The following TAS2R1 variants were observed in gnomAD, a reference collection of about 807,000 sequenced individuals.
TAS2R1 encodes the protein taste 2 receptor member 1, also known as taste receptor type 2 member 1.
For synonymous variants in TAS2R1, 141 were observed against 134.2 expected (o/e 1.05, Z -0.35); for missense variants, 370 against 353.4 (o/e 1.05, Z -0.38).
At chr5:9,643,849 C>A (rs552045579) in intron 2 of TAS2R1, among the ~76,000 whole-genome samples, 1 of 152,192 alleles carries the variant, frequency 6.6e-6, no homozygotes, top group South Asian at 2.1e-4. Flanking sequence ...GAAAGAGGTG[C>A]TATTTTAGAA....
At chr5:9,841,432 A>AT in the TAS2R1 span, among the ~76,000 whole-genome samples, 1 of 152,018 alleles carries the variant, frequency 6.6e-6, no homozygotes, top group East Asian at 1.9e-4. Flanking sequence ...CAGCCTGGAT[A>AT]TTTTCTACTT....
the TAS2R1 span, among the ~76,000 whole-genome samples, chr5:9,825,988 G>T: frequency 1.3e-5 from 2 of 152,164 alleles, no homozygotes; most frequent in African/African-American, 4.8e-5. Context: ...CAGTGGGTTA[G>T]GGTGCCCATT....
the TAS2R1 span, among the ~76,000 whole-genome samples, chr5:9,804,759 G>C: frequency 6.6e-6 from 1 of 152,100 alleles, no homozygotes; most frequent in Non-Finnish European, 1.5e-5. Context: ...TAAGAGGAAA[G>C]TTCATAGCAT....
At chr5:9,673,643 GA>G (rs148029628) in intron 1 of TAS2R1, among the ~76,000 whole-genome samples, 395 of 144,168 alleles carry the variant, frequency 2.7e-3, no homozygotes, top group African/African-American at 8.3e-3. Context: ...AAGAGAAGCT[GA>G]AAAAAAAAAC....
chr5:9,861,037 G>GGTTTTTTTTTTTTTTTTTTT, the TAS2R1 span, among the ~76,000 whole-genome samples: 84 of 88,580 alleles, frequency 9.5e-4, 2 homozygotes, highest in African/African-American at 3.4e-3. Context: ...GGAAGATGAG[G>GGTTTTTTTTTTTTTTTTTTT]TTTTTTTTTT....
chr5:9,667,025 C>G (rs1740648237), intron 1 of TAS2R1, among the ~76,000 whole-genome samples: 1 of 152,016 alleles, frequency 6.6e-6, no homozygotes, highest in East Asian at 1.9e-4. Flanking sequence ...GTATAACAGG[C>G]ATGTTCCAAA....
chr5:9,658,005 G>A (rs563480181), intron 2 of TAS2R1, among the ~76,000 whole-genome samples: 1 of 152,314 alleles, frequency 6.6e-6, no homozygotes, highest in South Asian at 2.1e-4. Flanking sequence ...GGCTGACACA[G>A]TGGCTCAGTC....
At chr5:9,725,598 G>A in the TAS2R1 span, among the ~76,000 whole-genome samples, 1 of 152,276 alleles carries the variant, frequency 6.6e-6, no homozygotes, top group South Asian at 2.1e-4. Flanking sequence ...CCTGAGCACC[G>A]CCCCTCCCCC....
intron 2 of TAS2R1, among the ~76,000 whole-genome samples, chr5:9,646,028 C>T (rs1269620611): frequency 6.6e-6 from 1 of 152,014 alleles, no homozygotes; most frequent in Non-Finnish European, 1.5e-5. Context: ...TTTTCTATTT[C>T]TCATAGTTAG....
At chr5:9,640,497 TAAAAAA>T (rs56140715) in intron 2 of TAS2R1, among the ~76,000 whole-genome samples, 49 of 59,032 alleles carry the variant, frequency 8.3e-4, no homozygotes, top group African/African-American at 1.6e-3. Context: ...TTCAATTCCT[TAAAAAA>T]AAAAAAAAAA....
chr5:9,828,021 T>C, the TAS2R1 span, among the ~76,000 whole-genome samples: 1 of 152,236 alleles, frequency 6.6e-6, no homozygotes, highest in South Asian at 2.1e-4. Flanking sequence ...TACCTTCATA[T>C]TTCTGCAAAG....
At chr5:9,731,487 G>A in the TAS2R1 span, among the ~76,000 whole-genome samples, 196 of 152,120 alleles carry the variant, frequency 1.3e-3, 1 homozygote, top group African/African-American at 4.2e-3. Flanking sequence ...CCATCACAAC[G>A]GATTCCCCTC....
the TAS2R1 span, chr5:9,761,027 T>C: frequency 6.6e-6 from 1 of 152,190 alleles, no homozygotes; most frequent in Admixed American, 6.5e-5. Context: ...GATATGATTA[T>C]CTATGCAGAA....
upstream of TAS2R1, among the ~76,000 whole-genome samples, chr5:9,634,309 T>C (rs1298261722): frequency 6.6e-6 from 1 of 152,194 alleles, no homozygotes; most frequent in Non-Finnish European, 1.5e-5. Context: ...TGTGCCTGTT[T>C]TTATACCAAT....
chr5:9,648,157 G>A (rs946269386), intron 2 of TAS2R1, among the ~76,000 whole-genome samples: 3 of 151,998 alleles, frequency 2.0e-5, no homozygotes, highest in Non-Finnish European at 4.4e-5. Context: ...TATGGATTGG[G>A]GAGAGAATAC....
chr5:9,899,473 C>T, the TAS2R1 span, among the ~76,000 whole-genome samples: 1 of 151,990 alleles, frequency 6.6e-6, no homozygotes, highest in Admixed American at 6.6e-5. Flanking sequence ...CCCATCTCTA[C>T]TAAAAATACA....
the TAS2R1 span, among the ~76,000 whole-genome samples, chr5:9,764,878 C>A: frequency 6.6e-6 from 1 of 152,156 alleles, no homozygotes; most frequent in East Asian, 1.9e-4. Flanking sequence ...ACCACTTGAA[C>A]CACCACTAGC....
chr5:9,901,225 T>C, the TAS2R1 span, among the ~76,000 whole-genome samples: 1 of 150,162 alleles, frequency 6.7e-6, no homozygotes, highest in Non-Finnish European at 1.5e-5. Context: ...TACAAATGAA[T>C]GTCACAGTCT....
At chr5:9,814,698 T>G in the TAS2R1 span, among the ~76,000 whole-genome samples, 1 of 152,202 alleles carries the variant, frequency 6.6e-6, no homozygotes, top group Non-Finnish European at 1.5e-5. Flanking sequence ...TGCCTAATTT[T>G]GGTGACTCAG....
Sources: gnomAD v4.1 joint callset for allele counts (sites outside exome capture counted in the v4.1 genomes callset) on GRCh38, gnomAD v4.1.1 for gene constraint, MANE v1.5 for transcripts, NCBI Gene and HGNC (gene_info 2026-07-23, HGNC 2026-07-21) for gene names.